ZNF236: variants seen among roughly 807,000 people sequenced by gnomAD.
The protein encoded by ZNF236 is regulated by glucose.
A neutral mutation model predicts 191.2 loss-of-function variants in ZNF236; 50 were observed. The observed-to-expected ratio is 0.26, with a 90% CI of 0.21 to 0.33. The LOEUF is 0.33. Ranked by LOEUF, ZNF236 falls within the 10% of genes least tolerant of loss-of-function variation. The pLI is 1.00. For synonymous variants in ZNF236, 907 were observed against 928.8 expected (o/e 0.98, Z 0.43); for missense variants, 1,754 against 2,374.5 (o/e 0.74, Z 5.43).
intron 19 of ZNF236, 58 bp downstream of exon 19, chr18:76,915,917 C>A: frequency 6.6e-7 from 1 of 1,512,944 alleles, no homozygotes; most frequent in Non-Finnish European, 9.1e-7. Context: ...AGGAATAAAT[C>A]CATTCACAAA....
chr18:76,953,676 G>T (rs1348616686), intron 27 of ZNF236, among the ~76,000 whole-genome samples: 1 of 152,170 alleles, frequency 6.6e-6, no homozygotes, highest in East Asian at 1.9e-4. Context: ...GTAAGGGGCA[G>T]GTTTTTAGAG....
chr18:76,880,140 C>A lies in ZNF236; in HGVS notation c.1012C>A (p.Gln338Lys), dbSNP rs776755586. The change falls in exon 8 of 31, where the codon CAA (glutamine) becomes AAA (lysine). Residue 338 changes from glutamine to lysine, a missense_variant. Physicochemically the swap from Gln to Lys is moderately conservative, Grantham distance 53. Around this residue, in one of 5 missense-constraint regions of ZNF236, gnomAD observed 336 missense variants for 495.1 expected, o/e 0.68. Coordinates refer to ENST00000320610, the MANE Select transcript of ZNF236 (RefSeq NM_001306089.2). This position sits in a 1 kb window ranked among gnomAD's most constrained non-coding sequence, Gnocchi z 5.0. ...TATLFQTLPLQQTEAQATSAS... is the reference protein window; with the variant it reads ...TATLFQTLPLKQTEAQATSAS... ...CACACTTTTTCAGACGTTACCTCTT[C>A]AACAGACGGAAGCCCAAGCCACGTC... 9 of 1,613,532 alleles carry A rather than the reference C, an allele frequency of 5.6e-6. No homozygotes were observed. In the African/African-American group the frequency reaches 1.2e-4, roughly 22 times the overall value.
At position 76,969,036 on chromosome 18, in the gene ZNF236, T is replaced by C. The variant is rs1350826008; in HGVS notation, c.*697T>C. ...TAAGGATTCAGCTGTCCACACGGGC[T>C]GGCGACACACTTACCGCATCAATCT... On this transcript the variant is annotated 3_prime_UTR_variant, in exon 31 of 31. Transcript: ENST00000320610. 4.3e-6 allele frequency: 4 copies of C among 939,928 alleles called. No individual in the cohort carries two copies. The African/African-American group carries it at 7.1e-5, about 17-fold the overall frequency. 58.2% of individuals were successfully genotyped at this position (939,928 alleles called of 1,614,324 possible).
chr18:76,904,272 C>CT (rs1977679817), intron 11 of ZNF236, 108 bp from the exon 12 acceptor site: 1 of 1,134,990 alleles, frequency 8.8e-7, no homozygotes, highest in Admixed American at 3.2e-5. Context: ...ACATTAGAAT[C>CT]TAACTTACCA....
chr18:76,842,007 GGT>G (rs1333875383), intron 1 of ZNF236, among the ~76,000 whole-genome samples: 1 of 152,000 alleles, frequency 6.6e-6, no homozygotes, highest in African/African-American at 2.4e-5. Flanking sequence ...CCCAGCAACT[GGT>G]GTCTTATCTC....
intron 20 of ZNF236, 133 bp downstream of exon 20, chr18:76,920,191 C>A: frequency 9.7e-7 from 1 of 1,033,134 alleles, no homozygotes; most frequent in East Asian, 2.6e-5. Context: ...TGGCAGCTTA[C>A]TTACTTGAAT....
chr18:76,890,934 A>C (rs1977211637), intron 9 of ZNF236, among the ~76,000 whole-genome samples: 1 of 152,166 alleles, frequency 6.6e-6, no homozygotes. Flanking sequence ...CAAAGAGAGG[A>C]AAACCACTTC....
At chr18:76,921,903 A>G (rs1967547062) in intron 20 of ZNF236, among the ~76,000 whole-genome samples, 1 of 151,140 alleles carries the variant, frequency 6.6e-6, no homozygotes, top group Admixed American at 6.6e-5. Flanking sequence ...CAAGGTTCAG[A>G]CTCCCAGTGA....
At chr18:76,867,872 T>C (rs910746688) in intron 3 of ZNF236, among the ~76,000 whole-genome samples, 1 of 152,170 alleles carries the variant, frequency 6.6e-6, no homozygotes, top group African/African-American at 2.4e-5. Context: ...GCTTAGCTAG[T>C]GATTGGCAGC....
At chr18:76,898,393 G>A (rs1290983616) in intron 10 of ZNF236, among the ~76,000 whole-genome samples, 3 of 152,234 alleles carry the variant, frequency 2.0e-5, no homozygotes, top group African/African-American at 4.8e-5. Flanking sequence ...GGCTGACAAT[G>A]TGGATGAGTA....
chr18:76,824,838 C>A (rs1228533410), intron 1 of ZNF236, among the ~76,000 whole-genome samples: 1 of 152,230 alleles, frequency 6.6e-6, no homozygotes, highest in Non-Finnish European at 1.5e-5. Context: ...TCCAGAGATA[C>A]CCTCTGACCC....
chr18:76,847,794 G>C (rs1975740471), intron 1 of ZNF236, among the ~76,000 whole-genome samples: 5 of 152,140 alleles, frequency 3.3e-5, no homozygotes. Flanking sequence ...CATTTGATTT[G>C]GGCCTGGGAA....
At chr18:76,856,087 A>G (rs1976032736) in intron 3 of ZNF236, among the ~76,000 whole-genome samples, 1 of 152,152 alleles carries the variant, frequency 6.6e-6, no homozygotes, top group Admixed American at 6.5e-5. Flanking sequence ...CTTAAAAAAA[A>G]ATAGAAATCA....
chr18:76,823,017 C>T (rs1443977877), intron 1 of ZNF236, among the ~76,000 whole-genome samples: 1 of 149,354 alleles, frequency 6.7e-6, no homozygotes, highest in Non-Finnish European at 1.5e-5. Context: ...AGTGGCCGCC[C>T]CGTGTTCCGT....
intron 25 of ZNF236, among the ~76,000 whole-genome samples, chr18:76,929,089 G>A (rs1343867679): frequency 6.7e-6 from 1 of 149,348 alleles, no homozygotes; most frequent in East Asian, 2.0e-4. Flanking sequence ...TGAAGGGCAG[G>A]ATTTCTGCTG....
chr18:76,841,335 A>G (rs1201499640), intron 1 of ZNF236, among the ~76,000 whole-genome samples: 8 of 152,184 alleles, frequency 5.3e-5, no homozygotes, highest in African/African-American at 1.7e-4. Flanking sequence ...GGCCTCCCAA[A>G]GTGTTGGATT....
rs532600215 is a variant in ZNF236, at chr18:76,869,696, C to T, written c.542+833C>T. Among the ~76,000 whole-genome samples, 9 of 152,296 alleles carry T rather than the reference C, an allele frequency of 5.9e-5. No homozygotes were observed. In the East Asian group the frequency reaches 1.7e-3, roughly 29 times the overall value. ...TTGGGCCAGGCACAGTAGTTCACACCTGTAATCCCAGCACTTTGGGAGGCC... is the reference window on the plus strand; with the variant it reads ...TTGGGCCAGGCACAGTAGTTCACACTTGTAATCCCAGCACTTTGGGAGGCC... On this transcript the variant is annotated intron_variant, in intron 4 of 30. Transcript: ENST00000320610.
intron 1 of ZNF236, among the ~76,000 whole-genome samples, chr18:76,848,272 G>T (rs944971387): frequency 3.3e-5 from 5 of 152,104 alleles, no homozygotes; most frequent in African/African-American, 4.8e-5. Flanking sequence ...GAGCTACTTG[G>T]TTCTTCAGCT....
At chr18:76,836,432 C>T (rs1360034759) in intron 1 of ZNF236, among the ~76,000 whole-genome samples, 1 of 151,694 alleles carries the variant, frequency 6.6e-6, no homozygotes. Context: ...GCTATGTTGC[C>T]CTTAAACGCC....
Sources: gnomAD v4.1 joint callset for allele counts (sites outside exome capture counted in the v4.1 genomes callset) on GRCh38, gnomAD v4.1.1 for gene constraint, gnomAD v4.1.1 regional missense constraint, Gnocchi (gnomAD v3.1) non-coding constraint, MANE v1.5 for transcripts, NCBI Gene and HGNC (gene_info 2026-07-23, HGNC 2026-07-21) for gene names.